MDGA2: variants seen among roughly 807,000 people sequenced by gnomAD.
The protein encoded by MDGA2 is MAM domain-containing glycosylphosphatidylinositol anchor protein 2.
Under a neutral mutation model 117.8 loss-of-function variants are expected in MDGA2, and 40 were observed. The ratio of observed to expected loss-of-function variants is 0.34; its 90% confidence interval spans 0.26 to 0.44. The LOEUF (loss-of-function observed/expected upper bound fraction) is 0.44. Ranked by LOEUF, MDGA2 falls within the 20% of genes least tolerant of loss-of-function variation. The pLI is 1.00. For missense variants in MDGA2, 1,123 were observed against 1,250.6 expected (o/e 0.90, Z 1.54); for synonymous variants, 452 against 439.0 (o/e 1.03, Z -0.37).
At chr14:46,857,820 AATTT>A (rs1210352398) in intron 14 of MDGA2, among the ~76,000 whole-genome samples, 3 of 151,784 alleles carry the variant, frequency 2.0e-5, no homozygotes, top group Admixed American at 6.6e-5. Flanking sequence ...ATGCCTAGCT[AATTT>A]ATTTATCTTT....
chr14:47,327,345 C>A (rs554063787), intron 1 of MDGA2, among the ~76,000 whole-genome samples: 1 of 152,252 alleles, frequency 6.6e-6, no homozygotes, highest in African/African-American at 2.4e-5. Flanking sequence ...AAACATCCAG[C>A]GCATTTGTGT....
Position 47,348,476 on chromosome 14 carries a change from T to C in MDGA2, c.281-46926A>G, listed in dbSNP as rs568701100. ...ATCCGCCCACCTCAGCCTCCCAAAA[T>C]GCTGGGAGTATAGGCATGAGCTACC... On this transcript the variant is annotated intron_variant, in intron 1 of 16. Transcript: ENST00000399232. Among the ~76,000 whole-genome samples the C allele has an allele frequency of 2.0e-3, 309 of 152,254 alleles. 1 individual carries two copies. The highest frequency in any genetic ancestry group is 6.2e-3 in the South Asian group (30 of 4,826).
At chr14:47,525,918 T>C (rs1292769659) in intron 1 of MDGA2, among the ~76,000 whole-genome samples, 2 of 152,122 alleles carry the variant, frequency 1.3e-5, no homozygotes, top group Non-Finnish European at 2.9e-5. Flanking sequence ...CTAAATTATA[T>C]ATATGTAGGC....
chr14:47,356,957 C>A (rs1891008114), intron 1 of MDGA2, among the ~76,000 whole-genome samples: 1 of 152,176 alleles, frequency 6.6e-6, no homozygotes, highest in African/African-American at 2.4e-5. Context: ...TAGCACTCCT[C>A]GAGCTGTGGG....
chr14:46,991,766 T>C (rs369243881), intron 8 of MDGA2, among the ~76,000 whole-genome samples: 2 of 152,250 alleles, frequency 1.3e-5, no homozygotes, highest in African/African-American at 4.8e-5. Flanking sequence ...TTAATACAAC[T>C]GTGTTTTATA....
At chr14:47,430,637 A>G (rs1325447525) in intron 1 of MDGA2, among the ~76,000 whole-genome samples, 1 of 152,156 alleles carries the variant, frequency 6.6e-6, no homozygotes, top group Non-Finnish European at 1.5e-5. Context: ...TCTACCAGTA[A>G]TACCAATAAT....
intron 8 of MDGA2, among the ~76,000 whole-genome samples, chr14:46,976,978 C>T (rs79379190): frequency 1.3e-5 from 2 of 151,794 alleles, no homozygotes; most frequent in Admixed American, 1.3e-4. Context: ...TCATCATTCT[C>T]ATGGAATTTA....
intron 6 of MDGA2, among the ~76,000 whole-genome samples, chr14:47,087,291 G>A (rs1163074783): frequency 6.6e-6 from 1 of 151,564 alleles, no homozygotes; most frequent in Non-Finnish European, 1.5e-5. Flanking sequence ...TAGGCAGGTG[G>A]ATCACCTGAG....
At position 46,874,213 on chromosome 14, in the gene MDGA2, T is replaced by G; in HGVS notation, c.2438-13A>C. The G allele has an allele frequency of 7.7e-7, 1 of 1,306,550 alleles. No homozygotes were observed. The highest frequency in any genetic ancestry group is 1.0e-6 in the Non-Finnish European group (1 of 988,438). The allele number at this position is 1,306,550 out of a possible 1,614,324, so 80.9% of individuals were successfully genotyped here. A position where few individuals can be genotyped will look rare whatever the true frequency, so the allele number is the denominator to read the frequency against. On this transcript the variant is annotated splice_polypyrimidine_tract_variant and intron_variant, in intron 12 of 16. Coordinates refer to ENST00000399232, the MANE Select transcript of MDGA2 (RefSeq NM_001113498.3). ...CAATGAAATTCTCCTGTTGGTAAAT[T>G]TTAATTAAATTAATATTAATTAAAT...
chr14:47,000,263 T>G (rs1440502349), intron 8 of MDGA2, among the ~76,000 whole-genome samples: 19 of 147,180 alleles, frequency 1.3e-4, no homozygotes, highest in Admixed American at 1.2e-3. Flanking sequence ...CTTCAAAGCA[T>G]GTAACTGCTC....
intron 1 of MDGA2, among the ~76,000 whole-genome samples, chr14:47,311,982 T>TA (rs1032283853): frequency 6.6e-6 from 1 of 152,120 alleles, no homozygotes; most frequent in Non-Finnish European, 1.5e-5. Flanking sequence ...TATACTCTGA[T>TA]AAAAAAGATA....
chr14:47,609,681 C>A lies in MDGA2; in HGVS notation c.280+64836G>T, dbSNP rs528668552. 4.6e-5 allele frequency among the ~76,000 whole-genome samples: 7 copies of A among 151,356 alleles called. No individual in the cohort carries two copies. In the South Asian group the frequency reaches 1.3e-3, roughly 27 times the overall value. ...ATCTCCACACTGTTTTCCATAGTGG[C>A]TGTAGTAGTTTCCATTCCCACCAGC... On this transcript the variant is annotated intron_variant, in intron 1 of 16. Coordinates refer to ENST00000399232, the MANE Select transcript of MDGA2 (RefSeq NM_001113498.3).
At chr14:47,522,788 A>G (rs1227290810) in intron 1 of MDGA2, among the ~76,000 whole-genome samples, 4 of 152,224 alleles carry the variant, frequency 2.6e-5, no homozygotes, top group African/African-American at 7.2e-5. Flanking sequence ...ACTAGGCTGC[A>G]TTCATTAAGA....
chr14:47,559,563 T>A (rs1430268515), intron 1 of MDGA2, among the ~76,000 whole-genome samples: 2 of 151,508 alleles, frequency 1.3e-5, no homozygotes, highest in South Asian at 2.1e-4. Context: ...GAGTACAAGT[T>A]TTTTTTTCTT....
At chr14:47,044,612 T>TCAC (rs1221050359) in intron 7 of MDGA2, among the ~76,000 whole-genome samples, 3 of 152,170 alleles carry the variant, frequency 2.0e-5, no homozygotes, top group Non-Finnish European at 2.9e-5. Flanking sequence ...ACATCTCTTA[T>TCAC]CACACTCTGT....
chr14:46,957,519 G>C lies in MDGA2; in HGVS notation c.1944C>G (p.Gly648=). The change falls in exon 9 of 17, where the codon GGC becomes GGG. Residue 648 remains glycine, a synonymous_variant. Transcript: ENST00000399232. ...IRVLTYEWRL[G]NKLLRTGQFD... is the part of the protein sequence containing the mutation. ...ATTGACCCGTCCGTAATAATTTATT[G>C]CCCAAGCGCCACTCATAGGTCAGCA... The C allele has an allele frequency of 6.2e-7, 1 of 1,614,084 alleles. No individual in the cohort carries two copies. The highest frequency in any genetic ancestry group is 8.5e-7 in the Non-Finnish European group (1 of 1,179,990).
In MDGA2 at chr14:47,201,794, G is replaced by A. The variant is rs1885518236; in HGVS notation, c.595+16227C>T. On this transcript the variant is annotated intron_variant, in intron 3 of 16. Transcript: ENST00000399232. ...CTGAGTTTTTATTCCAGTCCCTCCA[G>A]ATTCTCAATTCCATCAAATATCCTC... Among the ~76,000 whole-genome samples, 2 of 152,062 alleles carry A rather than the reference G, an allele frequency of 1.3e-5. 1 individual carries two copies. Among genetic ancestry groups the A allele is most frequent in the South Asian group, 4.1e-4 (2 of 4,824 alleles).
At chr14:46,934,018 A>T (rs1239408319) in intron 9 of MDGA2, among the ~76,000 whole-genome samples, 1 of 151,636 alleles carries the variant, frequency 6.6e-6, no homozygotes, top group African/African-American at 2.4e-5. Flanking sequence ...AGTTTAGTTA[A>T]GAATCTTATC....
chr14:47,402,222 A>C (rs1468007618), intron 1 of MDGA2, among the ~76,000 whole-genome samples: 1 of 152,056 alleles, frequency 6.6e-6, no homozygotes, highest in Non-Finnish European at 1.5e-5. Context: ...AAACAGGAGA[A>C]TGTTACACTG....
Sources: gnomAD v4.1 joint callset for allele counts (sites outside exome capture counted in the v4.1 genomes callset) on GRCh38, gnomAD v4.1.1 for gene constraint, MANE v1.5 for transcripts, NCBI Gene and HGNC (gene_info 2026-07-23, HGNC 2026-07-21) for gene names.